The following SDK1 variants were observed in gnomAD, a reference collection of about 807,000 sequenced individuals.
SDK1 encodes the protein protein sidekick-1.
Under a neutral mutation model 245.5 loss-of-function variants are expected in SDK1, and 157 were observed. That is an observed-to-expected ratio of 0.64 (90% CI 0.56 to 0.73). The LOEUF is 0.73. SDK1 is among the 30% of genes least tolerant of loss of function. The probability of loss-of-function intolerance (pLI) is 0.00; values close to 1 mark genes in which losing one functional copy is unlikely to be tolerated. For synonymous variants in SDK1, 1,647 were observed against 1,278.5 expected, an observed-to-expected ratio of 1.29 and a Z score of -6.15; for missense variants, 3,583 against 3,002.3, an observed-to-expected ratio of 1.19 and a Z score of -4.52.
chr7:3,918,222 C>G (rs186302321), intron 5 of SDK1, among the ~76,000 whole-genome samples: 290 of 152,296 alleles, frequency 1.9e-3, no homozygotes, highest in Admixed American at 3.1e-3. Context: ...CCCAACCCCC[C>G]CAGCCACAGA....
At chr7:3,693,591 G>A (rs1044638653) in intron 4 of SDK1, among the ~76,000 whole-genome samples, 4 of 151,796 alleles carry the variant, frequency 2.6e-5, no homozygotes, top group African/African-American at 9.7e-5. Context: ...TTTTTGTGTG[G>A]CTAGATATTT....
chr7:4,048,213 A>G (rs1273405250), intron 17 of SDK1, among the ~76,000 whole-genome samples: 1 of 151,876 alleles, frequency 6.6e-6, no homozygotes, highest in Non-Finnish European at 1.5e-5. Context: ...GATCCACAGG[A>G]TCTTAGGCTT....
intron 4 of SDK1, among the ~76,000 whole-genome samples, chr7:3,654,267 C>T (rs1044699939): frequency 3.3e-5 from 5 of 152,144 alleles, no homozygotes; most frequent in Non-Finnish European, 7.3e-5. Flanking sequence ...GCGGGAGTCC[C>T]CTTGTCTGAA....
chr7:4,076,955 G>A, intron 20 of SDK1, 43 bp from the exon 21 acceptor site: 1 of 1,562,202 alleles, frequency 6.4e-7, no homozygotes, highest in Non-Finnish European at 8.8e-7. Flanking sequence ...TGAGCCCTTG[G>A]CCTTCAGGAG....
chr7:3,774,287 C>T (rs1438188184), intron 4 of SDK1, among the ~76,000 whole-genome samples: 1 of 152,024 alleles, frequency 6.6e-6, no homozygotes, highest in Non-Finnish European at 1.5e-5. Context: ...TGGTAGAGGC[C>T]TACAACAGTG....
intron 5 of SDK1, among the ~76,000 whole-genome samples, chr7:3,831,496 C>G (rs1779911284): frequency 6.6e-6 from 1 of 152,150 alleles, no homozygotes; most frequent in African/African-American, 2.4e-5. Context: ...CTTTTCATAT[C>G]TCCTCTTTCA....
chr7:3,417,218 G>C (rs892961486), intron 1 of SDK1, among the ~76,000 whole-genome samples: 4 of 152,118 alleles, frequency 2.6e-5, no homozygotes, highest in African/African-American at 9.7e-5. Context: ...TACAGCTGCA[G>C]GCTGAGGTTC....
At chr7:3,852,695 G>A (rs1465734379) in intron 5 of SDK1, among the ~76,000 whole-genome samples, 2 of 136,628 alleles carry the variant, frequency 1.5e-5, no homozygotes, top group African/African-American at 5.7e-5. Flanking sequence ...AGGTTGCAGT[G>A]AGCCGAGATC....
chr7:3,475,465 C>T (rs548621139), intron 1 of SDK1, among the ~76,000 whole-genome samples: 81 of 152,322 alleles, frequency 5.3e-4, no homozygotes, highest in Non-Finnish European at 7.6e-4. Flanking sequence ...CTTGGTGCTG[C>T]GATGACTTGA....
chr7:3,849,130 G>A (rs80016597), intron 5 of SDK1, among the ~76,000 whole-genome samples: 8,145 of 152,142 alleles, frequency 0.054, 701 homozygotes, highest in African/African-American at 0.18. Context: ...CCTTTCAAAG[G>A]TTTCCTTTTC....
intron 1 of SDK1, among the ~76,000 whole-genome samples, chr7:3,504,188 G>GTGTGTGTGTGTGTGTC (rs1437284155): frequency 6.7e-6 from 1 of 150,064 alleles, no homozygotes; most frequent in Non-Finnish European, 1.5e-5. Context: ...ATATATGTGT[G>GTGTGTGTGTGTGTGTC]TGTGTGTGTG....
At chr7:3,668,215 A>C (rs1393977755) in intron 4 of SDK1, among the ~76,000 whole-genome samples, 1 of 152,202 alleles carries the variant, frequency 6.6e-6, no homozygotes, top group Non-Finnish European at 1.5e-5. Flanking sequence ...ACAAATCTGC[A>C]ATTTGAGCAG....
intron 5 of SDK1, among the ~76,000 whole-genome samples, chr7:3,934,431 C>G (rs1030928779): frequency 2.6e-5 from 4 of 152,230 alleles, no homozygotes; most frequent in African/African-American, 9.6e-5. Context: ...CAAAGAACAT[C>G]TGATTATCAG....
chr7:3,330,100 T>G (rs200678864), intron 1 of SDK1, among the ~76,000 whole-genome samples: 1 of 152,306 alleles, frequency 6.6e-6, no homozygotes, highest in East Asian at 1.9e-4. Flanking sequence ...CATTTACCAG[T>G]TGATTAACAG....
chr7:3,590,492 A>G (rs1305814181), intron 1 of SDK1, among the ~76,000 whole-genome samples: 3 of 152,206 alleles, frequency 2.0e-5, no homozygotes, highest in East Asian at 3.8e-4. Flanking sequence ...AAGATATTTC[A>G]TTTAGCTTCC....
At chr7:3,961,392 T>G (rs1781670250) in intron 8 of SDK1, among the ~76,000 whole-genome samples, 3 of 152,248 alleles carry the variant, frequency 2.0e-5, no homozygotes. Context: ...GCATTAACTT[T>G]ATTTATTAAA....
At chr7:3,568,224 A>G (rs1779989344) in intron 1 of SDK1, among the ~76,000 whole-genome samples, 1 of 152,240 alleles carries the variant, frequency 6.6e-6, no homozygotes. Context: ...ATATGCATTT[A>G]ATTTAATATG....
intron 20 of SDK1, among the ~76,000 whole-genome samples, chr7:4,068,156 C>G (rs1780019805): frequency 6.6e-6 from 1 of 152,178 alleles, no homozygotes; most frequent in African/African-American, 2.4e-5. Flanking sequence ...TGGGCAGCAG[C>G]CATAGTTTGA....
intron 12 of SDK1, among the ~76,000 whole-genome samples, chr7:3,974,114 G>GTGGA (rs541324047): frequency 1.7e-3 from 251 of 150,548 alleles, no homozygotes; most frequent in Admixed American, 3.4e-3. Context: ...AACCCAGGAG[G>GTGGA]TGGAGGCTGC....
Sources: gnomAD v4.1 joint callset for allele counts (sites outside exome capture counted in the v4.1 genomes callset) on GRCh38, gnomAD v4.1.1 for gene constraint, MANE v1.5 for transcripts, NCBI Gene and HGNC (gene_info 2026-07-23, HGNC 2026-07-21) for gene names.